The following ZNF607 variants were observed in gnomAD, a reference collection of about 807,000 sequenced individuals.
ZNF607 encodes zinc finger protein 607.
ZNF607 carries 5 observed loss-of-function variants against 12.8 expected under a neutral mutation model. That is an observed-to-expected ratio of 0.39 (90% CI 0.20 to 0.82). ZNF607 has a LOEUF of 0.82. Among genes scored for constraint, ZNF607 ranks in the 40% least tolerant of loss-of-function variants. The probability of loss-of-function intolerance (pLI) is 0.39; values close to 1 mark genes in which losing one functional copy is unlikely to be tolerated. For synonymous variants in ZNF607, 287 were observed against 276.2 expected, an observed-to-expected ratio of 1.04 and a Z score of -0.39; for missense variants, 851 against 859.2, an observed-to-expected ratio of 0.99 and a Z score of 0.12.
chr19:37,717,465 G>A (rs1348146649), intron 1 of ZNF607, among the ~76,000 whole-genome samples: 3 of 151,870 alleles, frequency 2.0e-5, no homozygotes, highest in African/African-American at 7.2e-5. Flanking sequence ...GATTACAGGC[G>A]GAAGCCACTG....
At position 37,697,613 on chromosome 19, in the gene ZNF607, T is replaced by C; in HGVS notation, c.*427A>G. 2.4e-6 allele frequency: 1 copy of C among 417,944 alleles called. No homozygotes were observed. The highest frequency in any genetic ancestry group is 2.7e-5 in the South Asian group (1 of 37,060). The allele number at this position is 417,944 out of a possible 1,614,324, so 25.9% of individuals were successfully genotyped here. A position where few individuals can be genotyped will look rare whatever the true frequency, so the allele number is the denominator to read the frequency against. On this transcript the variant is annotated 3_prime_UTR_variant, in exon 5 of 5. Transcript: ENST00000355202. Reference sequence around the variant, plus strand: ...ATATGCAGAGTGGCTAAATAGCCTTTCCCATCATCGCTTATATCAACAGAG... The same window carrying C: ...ATATGCAGAGTGGCTAAATAGCCTTCCCCATCATCGCTTATATCAACAGAG...
intron 1 of ZNF607, among the ~76,000 whole-genome samples, chr19:37,717,806 C>CAAAAAAAAAAAAAAAAAAAAAAAAAAA (rs57152044): frequency 1.5e-5 from 1 of 67,096 alleles, no homozygotes. Context: ...AACTCAGTCT[C>CAAAAAAAAAAAAAAAAAAAAAAAAAAA]AAAAAAAAAA....
intron 1 of ZNF607, among the ~76,000 whole-genome samples, chr19:37,715,542 T>C (rs2145251050): frequency 6.6e-6 from 1 of 150,696 alleles, no homozygotes; most frequent in African/African-American, 2.4e-5. Flanking sequence ...GAGGTGGAGG[T>C]TGCAGTGAGC....
intron 1 of ZNF607, among the ~76,000 whole-genome samples, chr19:37,712,263 GT>G (rs368404506): frequency 3.3e-5 from 5 of 152,250 alleles, no homozygotes; most frequent in African/African-American, 9.6e-5. Flanking sequence ...CAGAAACAAT[GT>G]CAACATAAAG....
rs763686494 is a variant in ZNF607 at position 37,698,406 on chromosome 19, G to T, written c.1725C>A (p.Ser575Arg). 3.1e-6 allele frequency: 5 copies of T among 1,614,016 alleles called. No homozygotes were observed. Among genetic ancestry groups the T allele is most frequent in the Admixed American group, 3.3e-5 (2 of 59,992 alleles). Reference sequence around the variant, plus strand: ...CATGAGTTCGGTCATGATATATGAGGCTTGTGGCATGACGAAAGGCCTTGC... The same window carrying T: ...CATGAGTTCGGTCATGATATATGAGTCTTGTGGCATGACGAAAGGCCTTGC... ...ECGKAFRHAT[S>R]LIYHDRTHAG... Residue 575 changes from serine to arginine, a missense_variant, in exon 5 of 5, where the codon AGC becomes AGA. Transcript: ENST00000355202.
chr19:37,707,144 T>C (rs1446055522), intron 4 of ZNF607, among the ~76,000 whole-genome samples: 1 of 152,058 alleles, frequency 6.6e-6, no homozygotes, highest in African/African-American at 2.4e-5. Flanking sequence ...CTTTTCTTGA[T>C]ATACAGTTCT....
Position 37,709,825 on chromosome 19 carries a change from G to C in ZNF607, c.10-3C>G, listed in dbSNP as rs1568406617. The C allele has an allele frequency of 6.2e-7, 1 of 1,612,808 alleles. No individual in the cohort carries two copies. Among genetic ancestry groups the C allele is most frequent in the Non-Finnish European group, 8.5e-7 (1 of 1,178,994 alleles). On this transcript the variant is annotated splice_polypyrimidine_tract_variant and splice_region_variant and intron_variant, in intron 2 of 4. Coordinates refer to ENST00000355202, the MANE Select transcript of ZNF607 (RefSeq NM_032689.5). Reference sequence around the variant, plus strand: ...ACATCCCCGAATGTTATTGATCCCTGAAACAGCAAACCCATGTATTACTGG... The same window carrying C: ...ACATCCCCGAATGTTATTGATCCCTCAAACAGCAAACCCATGTATTACTGG...
intron 1 of ZNF607, among the ~76,000 whole-genome samples, chr19:37,712,073 C>T (rs761211219): frequency 3.4e-4 from 52 of 152,320 alleles, no homozygotes; most frequent in Admixed American, 8.5e-4. Context: ...CATACCAGAA[C>T]CTCTTTTTAG....
At chr19:37,710,494 G>A (rs1391485896) in intron 2 of ZNF607, among the ~76,000 whole-genome samples, 4 of 94,934 alleles carry the variant, frequency 4.2e-5, no homozygotes, top group Non-Finnish European at 7.0e-5. Context: ...AAAGAAAAAC[G>A]AAAATGGAGT....
chr19:37,710,949 T>G (rs1263702075), intron 2 of ZNF607, among the ~76,000 whole-genome samples: 1 of 152,226 alleles, frequency 6.6e-6, no homozygotes, highest in Non-Finnish European at 1.5e-5. Flanking sequence ...AAAACTAGGT[T>G]TCCTTAAAAT....
chr19:37,699,997 TAC>T, intron 4 of ZNF607, 102 bp from the exon 5 acceptor site: 9 of 1,088,544 alleles, frequency 8.3e-6, no homozygotes, highest in South Asian at 1.7e-5. Context: ...AACTCGAAAA[TAC>T]AGTTATAAAA....
chr19:37,711,496 T>G (rs2045132211), intron 2 of ZNF607, 114 bp downstream of exon 2: 1 of 1,050,944 alleles, frequency 9.5e-7, no homozygotes, highest in Non-Finnish European at 1.5e-6. Context: ...GAACTGGAGA[T>G]TAGGTTAACT....
chr19:37,704,269 C>T (rs1429346674), intron 4 of ZNF607, among the ~76,000 whole-genome samples: 5 of 152,146 alleles, frequency 3.3e-5, no homozygotes, highest in Admixed American at 3.3e-4. Flanking sequence ...CAAGAAACTA[C>T]ATGAGATATT....
intron 1 of ZNF607, among the ~76,000 whole-genome samples, chr19:37,718,831 C>G (rs1395557242): frequency 6.6e-6 from 1 of 152,088 alleles, no homozygotes; most frequent in South Asian, 2.1e-4. Flanking sequence ...GATCCCTAAC[C>G]TTCTTGGCTA....
chr19:37,697,000 C>T lies in ZNF607; in HGVS notation c.*1040G>A, dbSNP rs1017844829. 1 of 712,880 alleles carries T rather than the reference C, an allele frequency of 1.4e-6. No individual in the cohort carries two copies. The highest frequency in any genetic ancestry group is 1.7e-5 in the African/African-American group (1 of 57,508). 44.2% of individuals were successfully genotyped at this position (712,880 alleles called of 1,614,324 possible). A position where few individuals can be genotyped will look rare whatever the true frequency, so the allele number is the denominator to read the frequency against. On this transcript the variant is annotated 3_prime_UTR_variant, in exon 5 of 5. Coordinates refer to ENST00000355202, the MANE Select transcript of ZNF607 (RefSeq NM_032689.5). ...CTCTGGGTGATTAGTTCTCCAGCAT[C>T]AAAGCGAGCCACCAGTGACTTGAGG...
At chr19:37,709,267 C>G (rs181155626) in intron 3 of ZNF607, among the ~76,000 whole-genome samples, 54 of 152,282 alleles carry the variant, frequency 3.5e-4, no homozygotes, top group African/African-American at 1.2e-3. Flanking sequence ...CAGTCTCTTT[C>G]AATAATAACG....
intron 1 of ZNF607, among the ~76,000 whole-genome samples, chr19:37,712,435 C>T (rs1049067897): frequency 3.3e-5 from 5 of 152,100 alleles, no homozygotes; most frequent in Admixed American, 2.6e-4. Context: ...CACTTGAGCC[C>T]AGGAGTTCAA....
intron 3 of ZNF607, among the ~76,000 whole-genome samples, chr19:37,708,848 A>G (rs1047627532): frequency 5.3e-5 from 8 of 150,834 alleles, no homozygotes; most frequent in African/African-American, 1.9e-4. Flanking sequence ...CTGTCTCAAA[A>G]AAAAAAAAAA....
chr19:37,718,725 C>T (rs1435417020), intron 1 of ZNF607, among the ~76,000 whole-genome samples: 2 of 152,164 alleles, frequency 1.3e-5, no homozygotes, highest in Non-Finnish European at 2.9e-5. Flanking sequence ...CTCCACCGTC[C>T]CCCAGGTCTC....
Sources: gnomAD v4.1 joint callset for allele counts (sites outside exome capture counted in the v4.1 genomes callset) on GRCh38, gnomAD v4.1.1 for gene constraint, MANE v1.5 for transcripts, NCBI Gene and HGNC (gene_info 2026-07-23, HGNC 2026-07-21) for gene names.